Variants in DOCK1 observed in about 807,000 individuals in gnomAD.
DOCK1 encodes dedicator of cytokinesis 1.
In DOCK1, 138 loss-of-function variants were observed where a neutral mutation model predicts 262.7. The ratio of observed to expected loss-of-function variants is 0.53; its 90% CI spans 0.46 to 0.61. The LOEUF is 0.61. Ranked by LOEUF, DOCK1 falls within the 20% of genes least tolerant of loss-of-function variation. The pLI, the probability that DOCK1 is intolerant of heterozygous loss-of-function variation, is 0.00. For missense variants in DOCK1, 1,908 were observed against 2,370.7 expected (o/e 0.80, Z 4.05); for synonymous variants, 866 against 867.4 (o/e 1.00, Z 0.03).
At chr10:126,906,949 A>G (rs1475238988) in intron 1 of DOCK1, among the ~76,000 whole-genome samples, 3 of 152,118 alleles carry the variant, frequency 2.0e-5, no homozygotes, top group African/African-American at 7.2e-5. Flanking sequence ...CAGGACCATT[A>G]TGACTGAGCT....
chr10:127,404,881 C>T (rs556392102), intron 40 of DOCK1, among the ~76,000 whole-genome samples: 9 of 152,336 alleles, frequency 5.9e-5, no homozygotes, highest in South Asian at 2.1e-4. Flanking sequence ...CAGCAGCCAC[C>T]GTTCTACTTT....
intron 1 of DOCK1, among the ~76,000 whole-genome samples, chr10:126,968,947 A>C (rs899550610): frequency 6.6e-6 from 1 of 152,216 alleles, no homozygotes; most frequent in African/African-American, 2.4e-5. Flanking sequence ...AGGAAATAGA[A>C]TTTTCAATAT....
intron 43 of DOCK1, among the ~76,000 whole-genome samples, chr10:127,414,746 T>A (rs1020099146): frequency 6.6e-6 from 1 of 152,254 alleles, no homozygotes; most frequent in Non-Finnish European, 1.5e-5. Flanking sequence ...CTCCCAAAGA[T>A]GTATTTGCCC....
At chr10:127,035,845 A>G (rs564194402) in intron 18 of DOCK1, among the ~76,000 whole-genome samples, 1 of 151,934 alleles carries the variant, frequency 6.6e-6, no homozygotes, top group Admixed American at 6.6e-5. Context: ...CCCTGTCTCT[A>G]CTAAAAATTA....
At chr10:126,958,769 C>T (rs1276691640) in intron 1 of DOCK1, among the ~76,000 whole-genome samples, 2 of 152,150 alleles carry the variant, frequency 1.3e-5, no homozygotes, top group Non-Finnish European at 2.9e-5. Context: ...TGCTGTTTCA[C>T]TCCGCTCAGA....
chr10:127,236,387 TTCCC>T (rs1239099674), intron 27 of DOCK1, among the ~76,000 whole-genome samples: 1 of 129,920 alleles, frequency 7.7e-6, no homozygotes, highest in Non-Finnish European at 1.6e-5. Flanking sequence ...CCCTCCCTAC[TTCCC>T]TCCCTCCCAT....
chr10:126,947,380 ATGG>A (rs1396524300), intron 1 of DOCK1, among the ~76,000 whole-genome samples: 1 of 107,576 alleles, frequency 9.3e-6, no homozygotes, highest in African/African-American at 3.2e-5. Flanking sequence ...GTTGGTGGTG[ATGG>A]TGGTAGTTGG....
chr10:126,960,038 C>T (rs2037075180), intron 1 of DOCK1, among the ~76,000 whole-genome samples: 1 of 152,148 alleles, frequency 6.6e-6, no homozygotes, highest in South Asian at 2.1e-4. Flanking sequence ...GAACTCCTGA[C>T]CTCAGGTGAT....
chr10:126,975,034 G>C (rs2038411266), intron 2 of DOCK1, among the ~76,000 whole-genome samples: 1 of 152,052 alleles, frequency 6.6e-6, no homozygotes, highest in Non-Finnish European at 1.5e-5. Context: ...TTTCTACTGT[G>C]TGTGAAGTGG....
intron 27 of DOCK1, among the ~76,000 whole-genome samples, chr10:127,165,306 A>G (rs1408660625): frequency 6.6e-6 from 1 of 152,186 alleles, no homozygotes; most frequent in Non-Finnish European, 1.5e-5. Flanking sequence ...CTTTGTTTCA[A>G]AAGCCTGACC....
intron 1 of DOCK1, among the ~76,000 whole-genome samples, chr10:126,954,050 C>T (rs995198503): frequency 8.5e-5 from 13 of 152,172 alleles, no homozygotes; most frequent in Non-Finnish European, 1.6e-4. Context: ...TGTGTGCTTT[C>T]GTCCTGCCCA....
intron 48 of DOCK1, 57 bp downstream of exon 48, chr10:127,433,485 A>T: frequency 6.3e-7 from 1 of 1,582,362 alleles, no homozygotes; most frequent in Non-Finnish European, 8.6e-7. Flanking sequence ...GGGATCTGGA[A>T]GGAGCCACCC....
At chr10:127,397,702 A>ATGACCCGGGCAGCGACTCCTGTG (rs1565058968) in intron 38 of DOCK1, among the ~76,000 whole-genome samples, 8 of 150,736 alleles carry the variant, frequency 5.3e-5, no homozygotes, top group Non-Finnish European at 1.2e-4. Flanking sequence ...TAGCTCCTCT[A>ATGACCCGGGCAGCGACTCCTGTG]TGACCCGGGC....
chr10:127,282,667 C>CA (rs2061004258), intron 29 of DOCK1, among the ~76,000 whole-genome samples: 1 of 152,222 alleles, frequency 6.6e-6, no homozygotes, highest in South Asian at 2.1e-4. Context: ...CACACTAGTC[C>CA]AGGTGCTCTG....
intron 36 of DOCK1, among the ~76,000 whole-genome samples, chr10:127,380,450 A>C (rs1018307270): frequency 6.6e-6 from 1 of 152,210 alleles, no homozygotes; most frequent in African/African-American, 2.4e-5. Flanking sequence ...GTTTCACAGT[A>C]AGTTATATGA....
At chr10:126,950,215 G>T (rs1433959143) in intron 1 of DOCK1, among the ~76,000 whole-genome samples, 2 of 152,070 alleles carry the variant, frequency 1.3e-5, no homozygotes, top group African/African-American at 2.4e-5. Context: ...TTTCCTAGTT[G>T]TGTTATTTGG....
chr10:127,260,388 C>T (rs752600882), intron 29 of DOCK1, among the ~76,000 whole-genome samples: 1 of 152,180 alleles, frequency 6.6e-6, no homozygotes, highest in East Asian at 1.9e-4. Flanking sequence ...ATCGTGTACA[C>T]GGACTGCAGC....
At chr10:127,318,373 G>A (rs1187662572) in intron 29 of DOCK1, among the ~76,000 whole-genome samples, 1 of 152,220 alleles carries the variant, frequency 6.6e-6, no homozygotes, top group African/African-American at 2.4e-5. Flanking sequence ...CACACTGAAG[G>A]AGAGGCACAC....
chr10:127,205,461 A>G lies in DOCK1; in HGVS notation c.2848-42547A>G, dbSNP rs191650061. On this transcript the variant is annotated intron_variant, in intron 27 of 51. Coordinates refer to ENST00000623213, the MANE Select transcript of DOCK1 (RefSeq NM_001290223.2). ...CGATTTGATATTTTACAGAACCTCT[A>G]CTGAGAAAATAGGGTAAGCAGATTA... Among the ~76,000 whole-genome samples, 10 of 152,274 alleles carry G rather than the reference A, an allele frequency of 6.6e-5. No individual in the cohort carries two copies. The East Asian group carries it at 1.7e-3, about 26-fold the overall frequency.
Sources: allele counts gnomAD v4.1 joint callset (sites outside exome capture counted in the v4.1 genomes callset), GRCh38; gene constraint gnomAD v4.1.1; transcripts MANE v1.5; gene names NCBI Gene and HGNC (gene_info 2026-07-23, HGNC 2026-07-21).